Variants in TJP1 observed in about 807,000 individuals in gnomAD.
The protein encoded by TJP1 is tight junction protein ZO-1.
TJP1 carries 43 observed loss-of-function variants against 194.2 expected under a neutral mutation model. The observed-to-expected ratio is 0.22, with a 90% confidence interval of 0.17 to 0.29. TJP1 has a LOEUF of 0.29. Ranked by LOEUF, TJP1 falls within the 10% of genes least tolerant of loss-of-function variation. The probability of loss-of-function intolerance (pLI) is 1.00; values close to 1 mark genes in which losing one functional copy is unlikely to be tolerated. For synonymous variants in TJP1, 801 were observed against 779.0 expected, an observed-to-expected ratio of 1.03 and a Z score of -0.47; for missense variants, 1,971 against 2,185.7, an observed-to-expected ratio of 0.90 and a Z score of 1.96.
At chr15:29,826,036 T>C (rs931213928), upstream of TJP1, among the ~76,000 whole-genome samples, 3 of 152,144 alleles carry the variant, frequency 2.0e-5, no homozygotes, top group Non-Finnish European at 4.4e-5. Context: ...AAACAAACAT[T>C]ATAAACTGTA....
At chr15:29,813,643 TAAAGAA>T in intron 1 of TJP1, among the ~76,000 whole-genome samples, 1 of 152,266 alleles carries the variant, frequency 6.6e-6, no homozygotes, top group Admixed American at 6.5e-5. Flanking sequence ...GTGGTAACTA[TAAAGAA>T]AAACTAGAAA....
rs192119267 is a variant in TJP1 at position 29,750,299 on chromosome 15, G to A, written c.1011-7518C>T. On this transcript the variant is annotated intron_variant, in intron 8 of 27. Coordinates refer to ENST00000614355, the MANE Select transcript of TJP1 (RefSeq NM_001330239.4). Reference sequence around the variant, plus strand: ...ATTACAGGCGTGAGCCACCACGCCCGGCCTAATTTTTTGTATTTTAGTAGA... The same window carrying A: ...ATTACAGGCGTGAGCCACCACGCCCAGCCTAATTTTTTGTATTTTAGTAGA... 4.9e-3 allele frequency among the ~76,000 whole-genome samples: 737 copies of A among 151,786 alleles called. 4 individuals are homozygous for A. Among genetic ancestry groups the A allele is most frequent in the African/African-American group, 0.017 (697 of 41,356 alleles).
chr15:29,859,032 T>C (rs2051970953), intron 2 of TJP1, among the ~76,000 whole-genome samples: 1 of 152,142 alleles, frequency 6.6e-6, no homozygotes, highest in Admixed American at 6.5e-5. Context: ...CTTAGACAGA[T>C]GGATGTCCAA....
chr15:29,939,168 G>A (rs1006784695), intron 2 of TJP1, among the ~76,000 whole-genome samples: 36 of 152,118 alleles, frequency 2.4e-4, no homozygotes, highest in African/African-American at 7.5e-4. Context: ...CAGCAAACAC[G>A]GAACATTCAA....
chr15:29,835,917 C>CAG (rs143355262), intron 2 of TJP1, among the ~76,000 whole-genome samples: 8 of 147,890 alleles, frequency 5.4e-5, no homozygotes, highest in African/African-American at 7.6e-5. Flanking sequence ...CAGAGAGAGA[C>CAG]AGAGAGAGAG....
intron 2 of TJP1, among the ~76,000 whole-genome samples, chr15:29,834,027 G>C (rs1438347300): frequency 8.0e-6 from 1 of 124,934 alleles, no homozygotes; most frequent in Non-Finnish European, 1.7e-5. Context: ...GGATACAGGC[G>C]CCCGCCACCA....
chr15:29,965,480 G>A (rs945375618), intron 1 of TJP1, among the ~76,000 whole-genome samples: 2 of 152,108 alleles, frequency 1.3e-5, no homozygotes, highest in African/African-American at 4.8e-5. Flanking sequence ...TCACAGTGCT[G>A]AGATTACAGG....
chr15:29,930,448 C>A (rs1232033037), intron 2 of TJP1, among the ~76,000 whole-genome samples: 2 of 152,172 alleles, frequency 1.3e-5, no homozygotes, highest in Admixed American at 1.3e-4. Context: ...TTATTTAATT[C>A]ATCACATTGA....
chr15:29,948,091 C>T (rs1380424478), intron 2 of TJP1, among the ~76,000 whole-genome samples: 1 of 152,032 alleles, frequency 6.6e-6, no homozygotes, highest in Non-Finnish European at 1.5e-5. Flanking sequence ...ATGGTAAAAC[C>T]CCATCTCTAC....
chr15:29,766,015 T>C (rs1252341886), intron 5 of TJP1, among the ~76,000 whole-genome samples: 1 of 152,192 alleles, frequency 6.6e-6, no homozygotes, highest in Non-Finnish European at 1.5e-5. Flanking sequence ...TTAGCATAAT[T>C]TGTACCTGGC....
chr15:29,863,674 GAA>G, intron 2 of TJP1, among the ~76,000 whole-genome samples: 1 of 152,264 alleles, frequency 6.6e-6, no homozygotes, highest in South Asian at 2.1e-4. Flanking sequence ...TGTAGACAGA[GAA>G]GAGCACATGT....
intron 2 of TJP1, among the ~76,000 whole-genome samples, chr15:29,866,222 A>G (rs976090655): frequency 1.1e-4 from 16 of 152,152 alleles, no homozygotes; most frequent in Non-Finnish European, 2.1e-4. Flanking sequence ...ACCCCATGTC[A>G]CCTGGTCCTG....
chr15:29,762,112 G>C (rs1285586355), intron 6 of TJP1, among the ~76,000 whole-genome samples: 1 of 152,170 alleles, frequency 6.6e-6, no homozygotes, highest in Admixed American at 6.5e-5. Flanking sequence ...TATCTACAAA[G>C]TAGTACCGGC....
At chr15:29,960,361 A>G (rs923368782) in intron 1 of TJP1, among the ~76,000 whole-genome samples, 9 of 123,234 alleles carry the variant, frequency 7.3e-5, no homozygotes, top group Admixed American at 2.3e-4. Context: ...CCAGGATCAT[A>G]ATAAAAACAT....
chr15:29,921,552 G>A (rs1719342), intron 2 of TJP1, among the ~76,000 whole-genome samples: 2 of 152,166 alleles, frequency 1.3e-5, no homozygotes, highest in African/African-American at 4.8e-5. Context: ...GAGGAGATGT[G>A]TGGGCACAGC....
intron 2 of TJP1, among the ~76,000 whole-genome samples, chr15:29,857,814 T>C (rs2051917310): frequency 6.6e-6 from 1 of 152,088 alleles, no homozygotes; most frequent in South Asian, 2.1e-4. Context: ...CAGGCTGGAG[T>C]GCAATGGTGT....
chr15:29,726,760 G>T, intron 17 of TJP1, 21 bp downstream of exon 17: 2 of 1,606,504 alleles, frequency 1.2e-6, no homozygotes, highest in Non-Finnish European at 1.7e-6. Context: ...GCTGAAAGAA[G>T]GCCTTTATTA....
intron 2 of TJP1, among the ~76,000 whole-genome samples, chr15:29,777,472 A>G (rs894019635): frequency 6.6e-6 from 1 of 152,230 alleles, no homozygotes; most frequent in African/African-American, 2.4e-5. Context: ...CTACTTAAAC[A>G]TGAAGGGAGA....
At chr15:29,815,326 A>G (rs918174604) in intron 1 of TJP1, among the ~76,000 whole-genome samples, 2 of 152,218 alleles carry the variant, frequency 1.3e-5, no homozygotes, top group African/African-American at 4.8e-5. Flanking sequence ...CCTAATGTCT[A>G]TTTCTTTCTA....
Sources: allele counts gnomAD v4.1 joint callset (sites outside exome capture counted in the v4.1 genomes callset), GRCh38; gene constraint gnomAD v4.1.1; transcripts MANE v1.5; gene names NCBI Gene and HGNC (gene_info 2026-07-23, HGNC 2026-07-21).